The following HDAC8 variants were observed in gnomAD, a reference collection of about 807,000 sequenced individuals.
HDAC8 encodes the protein histone deacetylase-like 1.
In HDAC8, 1 loss-of-function variant was observed where a neutral mutation model predicts 32.2. The ratio of observed to expected loss-of-function variants is 0.03; its 90% confidence interval spans 0.01 to 0.15. The LOEUF is 0.15. Ranked by LOEUF, HDAC8 falls within the 10% of genes least tolerant of loss-of-function variation. The pLI, the probability that HDAC8 is intolerant of heterozygous loss-of-function variation, is 1.00. For missense variants in HDAC8, 117 were observed against 300.0 expected, an observed-to-expected ratio of 0.39 and a Z score of 4.51; for synonymous variants, 108 against 113.9, an observed-to-expected ratio of 0.95 and a Z score of 0.33.
intron 9 of HDAC8, among the ~76,000 whole-genome samples, chrX:72,421,819 T>C (rs782482981): frequency 8.0e-5 from 9 of 112,074 alleles, no homozygotes; most frequent in Non-Finnish European, 1.7e-4. Flanking sequence ...GGACTCCTTT[T>C]AGTACTTCTT....
intron 7 of HDAC8, among the ~76,000 whole-genome samples, chrX:72,465,964 A>G (rs1314410817): frequency 9.8e-5 from 11 of 112,133 alleles, no homozygotes; most frequent in Non-Finnish European, 2.1e-4. Flanking sequence ...CATAGAGATT[A>G]TAAGAATATT....
intron 9 of HDAC8, among the ~76,000 whole-genome samples, chrX:72,421,556 T>C (rs1555973620): frequency 1.3e-4 from 15 of 112,716 alleles, no homozygotes; most frequent in Non-Finnish European, 1.9e-5. Context: ...TCTGCTATTA[T>C]TCAGTTCCAC....
At chrX:72,432,106 GA>G (rs2147952251) in intron 9 of HDAC8, among the ~76,000 whole-genome samples, 1 of 110,706 alleles carries the variant, frequency 9.0e-6, no homozygotes, top group South Asian at 3.9e-4. Flanking sequence ...GATTAGCTAG[GA>G]CTACAGGCAT....
At chrX:72,441,965 T>A (rs375305136) in intron 9 of HDAC8, among the ~76,000 whole-genome samples, 2 of 110,181 alleles carry the variant, frequency 1.8e-5, no homozygotes, top group Non-Finnish European at 3.8e-5. Flanking sequence ...TGAAATGAAG[T>A]GAGAAGGGAA....
chrX:72,483,552 G>A (rs2048576211), intron 7 of HDAC8, among the ~76,000 whole-genome samples: 1 of 111,242 alleles, frequency 9.0e-6, no homozygotes, highest in South Asian at 3.8e-4. Flanking sequence ...GCAGAACTGT[G>A]AGCCAAATTA....
At chrX:72,403,763 G>A (rs1193633421) in intron 9 of HDAC8, among the ~76,000 whole-genome samples, 1 of 111,703 alleles carries the variant, frequency 9.0e-6, no homozygotes, top group South Asian at 3.8e-4. Context: ...AGAGATGGAG[G>A]TTGCAGTGAG....
In HDAC8 at chrX:72,388,242, T is replaced by C. The variant is rs1488147420; in HGVS notation, c.1006-36404A>G. The stretch of plus-strand genomic sequence containing the variant: ...TGTTTGTGTATTTGAAGCAGGTAGA[T>C]AACATGATTAAAGTTGAACTGTTAC... On this transcript the variant is annotated intron_variant, in intron 9 of 10. Coordinates refer to ENST00000373573, the MANE Select transcript of HDAC8 (RefSeq NM_018486.3). 3.6e-5 allele frequency among the ~76,000 whole-genome samples: 4 copies of C among 110,012 alleles called. No homozygotes were observed. The Admixed American group carries it at 3.9e-4, about 11-fold the overall frequency.
intron 9 of HDAC8, among the ~76,000 whole-genome samples, chrX:72,437,190 G>T (rs1237589713): frequency 9.0e-6 from 1 of 111,635 alleles, no homozygotes; most frequent in African/African-American, 3.3e-5. Flanking sequence ...CACGGAGGGT[G>T]AGCTGAAGCA....
chrX:72,437,853 C>T (rs782295131), intron 9 of HDAC8, among the ~76,000 whole-genome samples: 11 of 112,280 alleles, frequency 9.8e-5, no homozygotes, highest in African/African-American at 1.9e-4. Context: ...CAGGGGCTTA[C>T]GGAGAAAACT....
chrX:72,470,595 A>G (rs917520192), intron 7 of HDAC8, among the ~76,000 whole-genome samples: 1 of 111,286 alleles, frequency 9.0e-6, no homozygotes, highest in African/African-American at 3.3e-5. Flanking sequence ...TCTTCTCAGC[A>G]TTGTCCAACT....
At chrX:72,552,229 A>C (rs2147503374) in intron 4 of HDAC8, among the ~76,000 whole-genome samples, 1 of 111,220 alleles carries the variant, frequency 9.0e-6, no homozygotes, top group East Asian at 2.8e-4. Flanking sequence ...TGGGAAGCTG[A>C]GGTGGGAGGA....
chrX:72,572,017 A>C, intron 2 of HDAC8, 40 bp downstream of exon 2: 2 of 1,105,591 alleles, frequency 1.8e-6, no homozygotes, highest in South Asian at 2.1e-5. Context: ...AAGGCTACGA[A>C]CACCTAGCTT....
At chrX:72,426,032 T>C in intron 9 of HDAC8, among the ~76,000 whole-genome samples, 1 of 112,007 alleles carries the variant, frequency 8.9e-6, no homozygotes, top group Non-Finnish European at 1.9e-5. Context: ...CCTCTCAAGG[T>C]CCAGGGAGGG....
intron 9 of HDAC8, among the ~76,000 whole-genome samples, chrX:72,438,922 T>C (rs782722025): frequency 9.0e-6 from 1 of 111,674 alleles, no homozygotes; most frequent in South Asian, 3.8e-4. Context: ...TTCCCCAACA[T>C]AGCAAGACAG....
intron 5 of HDAC8, among the ~76,000 whole-genome samples, chrX:72,493,625 T>TAC (rs1170085000): frequency 3.6e-5 from 4 of 111,706 alleles, no homozygotes; most frequent in Non-Finnish European, 5.7e-5. Context: ...CACACATATA[T>TAC]ACACACACAC....
At chrX:72,545,768 T>A (rs1439807334) in intron 4 of HDAC8, among the ~76,000 whole-genome samples, 1 of 112,067 alleles carries the variant, frequency 8.9e-6, no homozygotes, top group Non-Finnish European at 1.9e-5. Flanking sequence ...TGGTTTTGTC[T>A]AGTGATGTGC....
intron 4 of HDAC8, among the ~76,000 whole-genome samples, chrX:72,555,336 C>A (rs1556090121): frequency 9.0e-6 from 1 of 111,510 alleles, no homozygotes; most frequent in Non-Finnish European, 1.9e-5. Flanking sequence ...TATGACAAAA[C>A]GAGGTTATTT....
chrX:72,474,068 T>C, intron 7 of HDAC8: 1 of 710,626 alleles, frequency 1.4e-6, no homozygotes, highest in Non-Finnish European at 1.7e-6. Flanking sequence ...CTCTGTATAT[T>C]CAAACTTGAC....
At chrX:72,522,612 G>T (rs935890287) in intron 4 of HDAC8, among the ~76,000 whole-genome samples, 1 of 112,193 alleles carries the variant, frequency 8.9e-6, no homozygotes. Flanking sequence ...GGTAAGAGCC[G>T]ATTGCTGCAT....
Sources: gnomAD v4.1 joint callset for allele counts (sites outside exome capture counted in the v4.1 genomes callset) on GRCh38, gnomAD v4.1.1 for gene constraint, MANE v1.5 for transcripts, NCBI Gene and HGNC (gene_info 2026-07-23, HGNC 2026-07-21) for gene names.